TIMM17B: variants seen among roughly 807,000 people sequenced by gnomAD.
TIMM17B encodes the protein mitochondrial import inner membrane translocase subunit Tim17-B.
A neutral mutation model predicts 15.9 loss-of-function variants in TIMM17B; 10 were observed. The observed-to-expected ratio is 0.63, with a 90% CI of 0.39 to 1.06. The LOEUF (loss-of-function observed/expected upper bound fraction) is 1.06, where lower values mean the gene tolerates loss of function less well. TIMM17B is among the 50% of genes least tolerant of loss of function. The probability of loss-of-function intolerance (pLI) is 0.01; values close to 1 mark genes in which losing one functional copy is unlikely to be tolerated. For missense variants in TIMM17B, 114 were observed against 152.2 expected (o/e 0.75, Z 1.32); for synonymous variants, 57 against 57.2 (o/e 1.00, Z 0.02).
intron 3 of TIMM17B, 75 bp downstream of exon 2, chrX:48,896,684 A>G (rs1023678440): frequency 7.5e-6 from 9 of 1,192,820 alleles, no homozygotes; most frequent in Non-Finnish European, 6.8e-6. Context: ...GGCAGCTCCA[A>G]GCAGTTTTCA....
chrX:48,895,155 G>A (rs1168318274), intron 3 of TIMM17B, 54 bp from the exon 3 acceptor site: 8 of 1,011,963 alleles, frequency 7.9e-6, no homozygotes, highest in Non-Finnish European at 9.4e-6. Context: ...TGGCAGACAC[G>A]TTTCCAACTT....
exon 5 of TIMM17B, chrX:48,894,185 G>A: frequency 8.3e-7 from 1 of 1,208,196 alleles, no homozygotes; most frequent in Non-Finnish European, 1.1e-6. Flanking sequence ...CCAGGCCACA[G>A]TCGATGGTGG....
chrX:48,895,959 T>A (rs1341825467), intron 3 of TIMM17B: 1 of 111,225 alleles, frequency 9.0e-6, no homozygotes, highest in East Asian at 2.8e-4. Flanking sequence ...AAGCAACACG[T>A]TGAAACCCCG....
intron 3 of TIMM17B, 161 bp from the exon 3 acceptor site, chrX:48,895,262 A>G: frequency 2.0e-6 from 1 of 494,393 alleles, no homozygotes; most frequent in Non-Finnish European, 3.6e-6. Flanking sequence ...GCGCCCCAAC[A>G]TGGGTGTTCT....
At chrX:48,895,065 C>T in exon 4 of TIMM17B, 1 of 1,202,269 alleles carries the variant, frequency 8.3e-7, no homozygotes, top group Non-Finnish European at 1.1e-6. Flanking sequence ...CGGATCCTCA[C>T]AGCATTGGCA....
In TIMM17B at chrX:48,897,775, A is replaced by G. The variant is rs192106537; in HGVS notation, c.-26T>C. 16 of 1,206,744 alleles carry G rather than the reference A, an allele frequency of 1.3e-5. No individual in the cohort carries two copies. The highest frequency in any genetic ancestry group is 1.7e-5 in the African/African-American group (1 of 57,538). The stretch of plus-strand genomic sequence containing the variant: ...GGCGCTGGCGTCTGGCCGCGCAGTC[A>G]GGCCACGCCCCCAGCGTAGACGCAC... On this transcript the variant is annotated 5_prime_UTR_variant, in exon 2 of 7. Transcript: ENST00000376582.
exon 5 of TIMM17B, chrX:48,894,205 C>T: frequency 1.7e-6 from 2 of 1,208,634 alleles, no homozygotes; most frequent in African/African-American, 1.7e-5. Flanking sequence ...GAGAACAGGC[C>T]CCCCCACACT....
At chrX:48,893,461 C>G (rs1189682557) in exon 7 of TIMM17B, 3 of 290,011 alleles carry the variant, frequency 1.0e-5, no homozygotes, top group Non-Finnish European at 1.2e-5. Context: ...CATTTCAAAA[C>G]GGGCTTTAAA....
chrX:48,897,979 A>C, intron 1 of TIMM17B: 1 of 925,999 alleles, frequency 1.1e-6, no homozygotes, highest in Non-Finnish European at 1.4e-6. Context: ...AGAAGGTCTC[A>C]TTCGGTGTTT....
chrX:48,895,427 G>A, intron 3 of TIMM17B: 1 of 516,487 alleles, frequency 1.9e-6, no homozygotes, highest in Non-Finnish European at 3.5e-6. Flanking sequence ...CCCTCTCAGA[G>A]CTCACATTAA....
At chrX:48,894,194 G>A in exon 5 of TIMM17B, 1 of 1,208,637 alleles carries the variant, frequency 8.3e-7, no homozygotes, top group South Asian at 1.8e-5. Flanking sequence ...AGTCGATGGT[G>A]GAGAACAGGC....
At chrX:48,895,610 A>AT (rs1261029040) in intron 3 of TIMM17B, 1 of 464,786 alleles carries the variant, frequency 2.2e-6, no homozygotes, top group African/African-American at 2.4e-5. Context: ...AAACTTGGGC[A>AT]AAGATCCAGG....
exon 5 of TIMM17B, chrX:48,894,204 C>T: frequency 2.5e-6 from 3 of 1,203,338 alleles, no homozygotes; most frequent in Non-Finnish European, 3.4e-6. Context: ...GGAGAACAGG[C>T]CCCCCCACAC....
At chrX:48,894,977 G>T in intron 4 of TIMM17B, 61 bp downstream of exon 3, 1 of 1,036,151 alleles carries the variant, frequency 9.7e-7, no homozygotes, top group Non-Finnish European at 1.3e-6. Flanking sequence ...TAGACCCAAA[G>T]GATCAACCAC....
chrX:48,893,695 C>T (rs782122995), exon 7 of TIMM17B: 2 of 1,089,352 alleles, frequency 1.8e-6, no homozygotes, highest in Non-Finnish European at 2.4e-6. Flanking sequence ...GGGGAGGGAA[C>T]CGAGAAGTAG....
rs782620768 is a variant in TIMM17B, at chrX:48,893,828, G to A, written c.431-11C>T. On this transcript the variant is annotated splice_polypyrimidine_tract_variant and intron_variant, in intron 6 of 6. Coordinates refer to ENST00000376582, the Ensembl canonical transcript of TIMM17B. ...CCAGGAATGGGGGCGCTGGAGAAGG[G>A]AGACTTGGGTAAGGATGAGTGGAAG... 4 of 1,183,634 alleles carry A rather than the reference G, an allele frequency of 3.4e-6. No homozygotes were observed. Among genetic ancestry groups the A allele is most frequent in the South Asian group, 1.9e-5 (1 of 53,259 alleles).
At chrX:48,893,683 T>G (rs782425861) in exon 7 of TIMM17B, 1 of 1,020,198 alleles carries the variant, frequency 9.8e-7, no homozygotes, top group Non-Finnish European at 1.3e-6. Flanking sequence ...AGGTAGACCA[T>G]CGGGGAGGGA....
intron 3 of TIMM17B, chrX:48,895,501 A>G: frequency 3.9e-6 from 2 of 515,317 alleles, no homozygotes; most frequent in Non-Finnish European, 7.0e-6. Context: ...AGCAATCTGC[A>G]CTGTAGAGGA....
intron 3 of TIMM17B, chrX:48,896,453 G>A: frequency 3.7e-6 from 1 of 268,802 alleles, no homozygotes; most frequent in East Asian, 7.8e-5. Flanking sequence ...GAGCAAGACT[G>A]TCTCAAAAAA....
Sources: gnomAD v4.1 joint callset for allele counts on GRCh38, gnomAD v4.1.1 for gene constraint, MANE v1.5 for transcripts, NCBI Gene and HGNC (gene_info 2026-07-23, HGNC 2026-07-21) for gene names.